PRDM16: variants seen among roughly 807,000 people sequenced by gnomAD.
PRDM16 encodes the protein PR/SET domain 16.
A neutral mutation model predicts 110.6 loss-of-function variants in PRDM16; 23 were observed. That is an observed-to-expected ratio of 0.21 (90% confidence interval 0.15 to 0.29). The LOEUF is 0.29. PRDM16 is among the 10% of genes least tolerant of loss of function. PRDM16 has a pLI of 1.00. For synonymous variants in PRDM16, 799 were observed against 781.8 expected (o/e 1.02, Z -0.37); for missense variants, 1,615 against 1,794.3 (o/e 0.90, Z 1.81).
At chr1:3,222,501 T>TGGTC (rs1440812300) in intron 2 of PRDM16, among the ~76,000 whole-genome samples, 1 of 152,222 alleles carries the variant, frequency 6.6e-6, no homozygotes, top group Non-Finnish European at 1.5e-5. Context: ...CTTCGGCCTG[T>TGGTC]GGTCGGCTTC....
intron 1 of PRDM16, among the ~76,000 whole-genome samples, chr1:3,176,165 A>ATCCATCCATCCATCCG (rs1557503590): frequency 6.6e-6 from 1 of 152,102 alleles, no homozygotes; most frequent in Non-Finnish European, 1.5e-5. Flanking sequence ...CCATCCATCC[A>ATCCATCCATCCATCCG]TCCATCCATC....
intron 2 of PRDM16, among the ~76,000 whole-genome samples, chr1:3,214,438 T>C (rs553560393): frequency 6.6e-6 from 1 of 152,316 alleles, no homozygotes; most frequent in South Asian, 2.1e-4. Context: ...GGCTCACATC[T>C]GTCATCCCAG....
intron 1 of PRDM16, among the ~76,000 whole-genome samples, chr1:3,117,957 G>A (rs1013729100): frequency 2.0e-5 from 3 of 152,170 alleles, no homozygotes; most frequent in Non-Finnish European, 4.4e-5. Flanking sequence ...GCACGTGTGT[G>A]TGCATGCATG....
At chr1:3,164,418 G>A (rs976968310) in intron 1 of PRDM16, among the ~76,000 whole-genome samples, 3 of 152,158 alleles carry the variant, frequency 2.0e-5, no homozygotes, top group African/African-American at 4.8e-5. Flanking sequence ...CAGCTCGCTC[G>A]GACCCAGGCG....
In PRDM16 at chr1:3,401,425, C is replaced by T. The variant is rs1643465983; in HGVS notation, c.677-1366C>T. Among the ~76,000 whole-genome samples the T allele has an allele frequency of 2.0e-5, 3 of 152,234 alleles. No homozygotes were observed. The South Asian group carries it at 6.2e-4, about 31-fold the overall frequency. The stretch of plus-strand genomic sequence containing the variant: ...GGGTCAGTCCTCGTGCACGTGCATA[C>T]ACACCCAAACACACATTCCCACAAG... On this transcript the variant is annotated intron_variant, in intron 5 of 16. Transcript: ENST00000270722.
At chr1:3,391,284 A>G (rs912481981) in intron 4 of PRDM16, among the ~76,000 whole-genome samples, 3 of 152,142 alleles carry the variant, frequency 2.0e-5, no homozygotes, top group Non-Finnish European at 4.4e-5. Context: ...CAGCTTACAA[A>G]AGACTCCAAA....
rs1486744519 is a variant in PRDM16 at position 3,359,083 on chromosome 1, AGGCTGGAGTGCAGT to A, written c.439-26064_439-26051del. ...TTTGGAGGGTCTCACTCTGTCACCC[AGGCTGGAGTGCAGT>A]GGCTCCATCACGGCACACTGCAGCC... On this transcript the variant is annotated intron_variant, in intron 3 of 16. Coordinates refer to ENST00000270722, the MANE Select transcript of PRDM16 (RefSeq NM_022114.4). This position sits in a 1 kb window ranked among gnomAD's most constrained non-coding sequence, Gnocchi z 4.3. 6.6e-6 allele frequency among the ~76,000 whole-genome samples: 1 copy of A among 152,190 alleles called. No individual in the cohort carries two copies. The highest frequency in any genetic ancestry group is 1.5e-5 in the Non-Finnish European group (1 of 68,036).
chr1:3,111,978 C>T (rs576476360), intron 1 of PRDM16, among the ~76,000 whole-genome samples: 2 of 152,230 alleles, frequency 1.3e-5, no homozygotes, highest in Non-Finnish European at 2.9e-5. Flanking sequence ...GCCGGCGCGG[C>T]GGCGAGGGAG....
In PRDM16 at chr1:3,353,826, A is replaced by G. The variant is rs942944495; in HGVS notation, c.439-31326A>G. ...CCTTACCCTGGGGACCCCTGCTCCC[A>G]GCGGAGCCAGTAGTGATGACAGGCG... On this transcript the variant is annotated intron_variant, in intron 3 of 16. Transcript: ENST00000270722. The surrounding 1 kb of genome is among the most constrained non-coding windows in gnomAD (Gnocchi z 5.4). Among the ~76,000 whole-genome samples the G allele has an allele frequency of 1.3e-5, 2 of 152,108 alleles. No homozygotes were observed. Among genetic ancestry groups the G allele is most frequent in the Non-Finnish European group, 2.9e-5 (2 of 67,978 alleles).
chr1:3,291,182 G>A (rs934170820), intron 3 of PRDM16, among the ~76,000 whole-genome samples: 3 of 152,130 alleles, frequency 2.0e-5, no homozygotes, highest in Non-Finnish European at 4.4e-5. Context: ...AGCCCACACG[G>A]CCTCTCTCGG....
chr1:3,326,959 G>T (rs1373171596), intron 3 of PRDM16, among the ~76,000 whole-genome samples: 1 of 152,212 alleles, frequency 6.6e-6, no homozygotes, highest in Non-Finnish European at 1.5e-5. Context: ...CTGGCTGTGA[G>T]GGCCCCCAGA....
chr1:3,293,983 G>C (rs1367887742), intron 3 of PRDM16, among the ~76,000 whole-genome samples: 5 of 152,156 alleles, frequency 3.3e-5, no homozygotes, highest in Non-Finnish European at 5.9e-5. Context: ...CAGGATTCGG[G>C]TTTCTGGCTT....
intron 3 of PRDM16, among the ~76,000 whole-genome samples, chr1:3,319,111 C>T (rs144890277): frequency 1.8e-3 from 280 of 152,258 alleles, no homozygotes; most frequent in Non-Finnish European, 3.6e-3. Flanking sequence ...GGAGCAAAAA[C>T]ACTTTTCAGA....
At chr1:3,147,521 C>T (rs1245003163) in intron 1 of PRDM16, among the ~76,000 whole-genome samples, 2 of 152,116 alleles carry the variant, frequency 1.3e-5, no homozygotes, top group Non-Finnish European at 1.5e-5. Context: ...CTGCTGTCTT[C>T]TCTTTGAGAA....
At chr1:3,294,759 G>A (rs1214141413) in intron 3 of PRDM16, among the ~76,000 whole-genome samples, 1 of 152,222 alleles carries the variant, frequency 6.6e-6, no homozygotes, top group Non-Finnish European at 1.5e-5. Context: ...GAGACTCAGA[G>A]GCAAGTGCTC....
chr1:3,193,929 A>G (rs1252408774), intron 2 of PRDM16, among the ~76,000 whole-genome samples: 1 of 152,102 alleles, frequency 6.6e-6, no homozygotes, highest in Admixed American at 6.5e-5. Flanking sequence ...AGGGAGGGTG[A>G]CCAACCTCCC....
rs1269754129 is a variant in PRDM16, at chr1:3,425,715, G to A, written c.3074G>A (p.Arg1025Gln). The part of the protein sequence containing the change: ...RCFGQQTNLD[R>Q]HLKKHEHENA... The stretch of plus-strand genomic sequence containing the variant: ...TTCGGGCAGCAGACCAACCTGGACC[G>A]GCACCTCAAGAAGCACGAGCACGAG... The change falls in exon 13 of 17, where the codon CGG becomes CAG. Residue 1025 changes from arginine (R) to glutamine (Q), a missense_variant. Physicochemically the swap from Arg to Gln is conservative, Grantham distance 43 (BLOSUM62 1). Around this residue, in one of 5 missense-constraint regions of PRDM16, gnomAD observed 327 missense variants for 359.3 expected, o/e 0.91. Coordinates refer to ENST00000270722, the MANE Select transcript of PRDM16 (RefSeq NM_022114.4). This position sits in a 1 kb window ranked among gnomAD's most constrained non-coding sequence, Gnocchi z 6.9. 3 of 1,613,784 alleles carry A rather than the reference G, an allele frequency of 1.9e-6. No individual in the cohort carries two copies. The highest frequency in any genetic ancestry group is 2.5e-6 in the Non-Finnish European group (3 of 1,179,942).
At chr1:3,233,485 G>T (rs557827165) in intron 2 of PRDM16, among the ~76,000 whole-genome samples, 222 of 152,326 alleles carry the variant, frequency 1.5e-3, no homozygotes, top group Non-Finnish European at 2.5e-3. Flanking sequence ...GGCGCAAAGG[G>T]CTCAGGCTGA....
chr1:3,210,130 A>G (rs1638846663), intron 2 of PRDM16, among the ~76,000 whole-genome samples: 1 of 152,240 alleles, frequency 6.6e-6, no homozygotes, highest in South Asian at 2.1e-4. Context: ...GCAGCAGCGG[A>G]AACCAGCTCG....
Sources: gnomAD v4.1 joint callset for allele counts (sites outside exome capture counted in the v4.1 genomes callset) on GRCh38, gnomAD v4.1.1 for gene constraint, gnomAD v4.1.1 regional missense constraint, Gnocchi (gnomAD v3.1) non-coding constraint, MANE v1.5 for transcripts, NCBI Gene and HGNC (gene_info 2026-07-23, HGNC 2026-07-21) for gene names.